The following NHSL2 variants were observed in gnomAD, a reference collection of about 807,000 sequenced individuals.
The protein encoded by NHSL2 is NHS like 2.
A neutral mutation model predicts 53.4 loss-of-function variants in NHSL2; 27 were observed. The observed-to-expected ratio is 0.51, with a 90% confidence interval of 0.37 to 0.70. The LOEUF (loss-of-function observed/expected upper bound fraction) is 0.70, where lower values mean the gene tolerates loss of function less well. Ranked by LOEUF, NHSL2 falls within the 30% of genes least tolerant of loss-of-function variation. NHSL2 has a pLI of 0.00. For missense variants in NHSL2, 892 were observed against 980.1 expected (o/e 0.91, Z 1.20); for synonymous variants, 408 against 404.1 (o/e 1.01, Z -0.12).
chrX:71,927,519 T>G (rs929412530), intron 1 of NHSL2, among the ~76,000 whole-genome samples: 6 of 111,853 alleles, frequency 5.4e-5, no homozygotes, highest in African/African-American at 1.6e-4. Context: ...TCTCTGGGTT[T>G]GAATCCTCAC....
At chrX:72,009,950 C>T (rs1353086268) in intron 1 of NHSL2, among the ~76,000 whole-genome samples, 2 of 113,116 alleles carry the variant, frequency 1.8e-5, no homozygotes, top group East Asian at 2.8e-4. Context: ...GTTACTCATT[C>T]CTGCTGTTCA....
intron 1 of NHSL2, among the ~76,000 whole-genome samples, chrX:72,072,925 T>C (rs2041712440): frequency 8.9e-6 from 1 of 111,861 alleles, no homozygotes; most frequent in African/African-American, 3.3e-5. Context: ...CGGTCTCTCT[T>C]ACCCAGTAAC....
At chrX:72,021,111 G>A (rs2042158498) in intron 1 of NHSL2, among the ~76,000 whole-genome samples, 1 of 111,756 alleles carries the variant, frequency 8.9e-6, no homozygotes, top group Non-Finnish European at 1.9e-5. Context: ...CTATGTTCTG[G>A]GTGTTCAGTG....
At chrX:72,025,848 A>G (rs1043289922) in intron 1 of NHSL2, among the ~76,000 whole-genome samples, 2 of 112,003 alleles carry the variant, frequency 1.8e-5, no homozygotes, top group African/African-American at 6.5e-5. Context: ...CTGAGTTCAA[A>G]TCCCAGCTAT....
chrX:71,922,836 T>A (rs1000187453), intron 1 of NHSL2, among the ~76,000 whole-genome samples: 1 of 112,365 alleles, frequency 8.9e-6, no homozygotes, highest in Admixed American at 9.4e-5. Context: ...TTGAGGATTT[T>A]GGATAGCAAA....
At chrX:72,137,333 G>A in intron 5 of NHSL2, 108 bp downstream of exon 5, 1 of 779,779 alleles carries the variant, frequency 1.3e-6, no homozygotes, top group Non-Finnish European at 1.8e-6. Context: ...ATTGGGTGGA[G>A]GAGGGGGCCT....
intron 1 of NHSL2, among the ~76,000 whole-genome samples, chrX:72,047,894 A>T (rs775937393): frequency 1.8e-5 from 2 of 109,927 alleles, no homozygotes; most frequent in Non-Finnish European, 3.8e-5. Flanking sequence ...AAGCAGAGGG[A>T]TGTACTCTGA....
At chrX:71,911,691 C>T (rs1483275057) in intron 1 of NHSL2, among the ~76,000 whole-genome samples, 1 of 112,599 alleles carries the variant, frequency 8.9e-6, no homozygotes, top group Non-Finnish European at 1.9e-5. Flanking sequence ...GGGCGATACT[C>T]CCCCTACCCG....
chrX:71,954,322 G>A (rs747161583), intron 1 of NHSL2, among the ~76,000 whole-genome samples: 20 of 112,362 alleles, frequency 1.8e-4, no homozygotes, highest in African/African-American at 6.5e-4. Context: ...CAGCAAGGAA[G>A]GGGCAGAAGC....
chrX:71,949,857 G>A (rs1257649273), intron 1 of NHSL2, among the ~76,000 whole-genome samples: 1 of 112,850 alleles, frequency 8.9e-6, no homozygotes, highest in Non-Finnish European at 1.9e-5. Flanking sequence ...CACAAGGAGT[G>A]GCAGTGGGGT....
chrX:72,070,651 C>A (rs2042462490), intron 1 of NHSL2, among the ~76,000 whole-genome samples: 1 of 110,123 alleles, frequency 9.1e-6, no homozygotes, highest in African/African-American at 3.3e-5. Flanking sequence ...AGGCTTCATG[C>A]AGTAGGGTCA....
chrX:72,105,204 C>G (rs932846448), intron 1 of NHSL2, among the ~76,000 whole-genome samples: 9 of 109,781 alleles, frequency 8.2e-5, no homozygotes, highest in African/African-American at 3.0e-4. Context: ...GGGTTGTTAC[C>G]TTGGAGAAGA....
intron 1 of NHSL2, chrX:72,044,443 G>A: frequency 2.2e-6 from 1 of 448,169 alleles, no homozygotes; most frequent in Non-Finnish European, 3.9e-6. Context: ...TCCTTGTCAG[G>A]TGGCCCCCAT....
At chrX:71,930,808 C>G (rs1327844275) in intron 1 of NHSL2, among the ~76,000 whole-genome samples, 1 of 112,477 alleles carries the variant, frequency 8.9e-6, no homozygotes, top group Admixed American at 9.4e-5. Context: ...GAGTATGTTT[C>G]TATGGCTTGT....
At chrX:72,072,917 G>T (rs759602708) in intron 1 of NHSL2, among the ~76,000 whole-genome samples, 1 of 111,657 alleles carries the variant, frequency 9.0e-6, no homozygotes, top group South Asian at 3.7e-4. Flanking sequence ...TTGGGTTCCG[G>T]TCTCTCTTAC....
intron 1 of NHSL2, among the ~76,000 whole-genome samples, chrX:72,037,098 A>G (rs931152250): frequency 2.8e-5 from 3 of 106,874 alleles, no homozygotes; most frequent in African/African-American, 1.0e-4. Flanking sequence ...TCAGTCTCCT[A>G]TTTCAGTAGG....
At chrX:71,942,972 CTGTGTGTGTGTGTGTG>C (rs58935869) in intron 1 of NHSL2, among the ~76,000 whole-genome samples, 263 of 74,036 alleles carry the variant, frequency 3.6e-3, no homozygotes, top group African/African-American at 0.014. Flanking sequence ...CTCTCTCTCT[CTGTGTGTGTGTGTGTG>C]TGTGTGTGTG....
chrX:72,142,594 G>C (rs937662004), intron 7 of NHSL2, among the ~76,000 whole-genome samples: 8 of 111,325 alleles, frequency 7.2e-5, no homozygotes, highest in Non-Finnish European at 1.1e-4. Context: ...CACTGACATC[G>C]TTGGGTAAAG....
Position 71,911,339 on chromosome X carries a change from T to C in NHSL2, c.252T>C (p.Leu84=). The part of the protein sequence containing the change: ...RLRRRLPCRL[L]GPEEDEEELA... ...GCCGCCGCCTTCCCTGCCGCCTGCT[T>C]GGCCCGGAGGAGGACGAGGAAGAGC... Residue 84 remains leucine, a synonymous_variant, in exon 1 of 8, where the codon CTT becomes CTC. Transcript: ENST00000633930. 1 of 1,109,249 alleles carries C rather than the reference T, an allele frequency of 9.0e-7. No individual in the cohort carries two copies. The highest frequency in any genetic ancestry group is 1.9e-5 in the African/African-American group (1 of 53,770). The allele number at this position is 1,109,249 out of a possible 1,213,427, so 91.4% of individuals were successfully genotyped here. A position where few individuals can be genotyped will look rare whatever the true frequency, so the allele number is the denominator to read the frequency against.
Sources: allele counts gnomAD v4.1 joint callset (sites outside exome capture counted in the v4.1 genomes callset), GRCh38; gene constraint gnomAD v4.1.1; transcripts MANE v1.5; gene names NCBI Gene and HGNC (gene_info 2026-07-23, HGNC 2026-07-21).